ADGRG4: variants seen among roughly 807,000 people sequenced by gnomAD.
ADGRG4 encodes G protein-coupled receptor 112.
Under a neutral mutation model 126.2 loss-of-function variants are expected in ADGRG4, and 122 were observed. The observed-to-expected ratio is 0.97, with a 90% confidence interval of 0.83 to 1.12. The LOEUF is 1.12. Among genes scored for constraint, ADGRG4 ranks in the 50% most tolerant of loss-of-function variants. ADGRG4 has a pLI of 0.00. For missense variants in ADGRG4, 2,481 were observed against 2,251.8 expected (o/e 1.10, Z -2.06); for synonymous variants, 943 against 838.7 (o/e 1.12, Z -2.15).
chrX:136,357,106 A>T (rs2075098968), intron 9 of ADGRG4, among the ~76,000 whole-genome samples: 1 of 112,495 alleles, frequency 8.9e-6, no homozygotes, highest in Non-Finnish European at 1.9e-5. Context: ...TTTGATATAT[A>T]CACATTATAG....
Position 136,323,081 on chromosome X carries a change from T to C in ADGRG4, c.374T>C (p.Ile125Thr). ...ASFQWHTICL[I>T]WDGVKGKLEL... ...TTTCAATGGCATACAATATGCTTGA[T>C]ATGGGATGGTGTGAAGGGCAAATTA... is the stretch of plus-strand genomic sequence containing the variant. Residue 125 changes from isoleucine (I) to threonine (T), a missense_variant, in exon 5 of 26, where the codon ATA (isoleucine) becomes ACA (threonine). Transcript: ENST00000394143. 1.7e-6 allele frequency: 2 copies of C among 1,210,674 alleles called. No homozygotes were observed. Among genetic ancestry groups the C allele is most frequent in the South Asian group, 1.8e-5 (1 of 56,939 alleles).
chrX:136,349,198 C>G lies in ADGRG4; in HGVS notation c.5492C>G (p.Pro1831Arg). Reference sequence around the variant, plus strand: ...TGGACCCCATCCAGTGCAACTCTACCCTCTTTGACATCATTTGTTTATTCA... The same window carrying G: ...TGGACCCCATCCAGTGCAACTCTACGCTCTTTGACATCATTTGTTTATTCA... ...PPWTPSSATL[P>R]SLTSFVYSPH... The change falls in exon 6 of 26, where the codon CCC (proline) becomes CGC (arginine). Residue 1831 changes from proline to arginine, a missense_variant. Coordinates refer to ENST00000394143, the MANE Select transcript of ADGRG4 (RefSeq NM_153834.4). The G allele has an allele frequency of 8.3e-7, 1 of 1,205,474 alleles. No individual in the cohort carries two copies. Among genetic ancestry groups the G allele is most frequent in the African/African-American group, 1.7e-5 (1 of 57,614 alleles).
chrX:136,356,088 T>C (rs761720106), intron 8 of ADGRG4, 38 bp from the exon 9 acceptor site: 2 of 1,088,883 alleles, frequency 1.8e-6, no homozygotes, highest in Non-Finnish European at 2.5e-6. Flanking sequence ...TGGTACTATA[T>C]TTCATTTTCC....
chrX:136,307,073 T>C (rs901877550), intron 3 of ADGRG4, among the ~76,000 whole-genome samples: 1 of 112,132 alleles, frequency 8.9e-6, no homozygotes, highest in Admixed American at 9.5e-5. Flanking sequence ...GATTTATTTA[T>C]TGGGCACCAG....
intron 15 of ADGRG4, among the ~76,000 whole-genome samples, chrX:136,387,425 G>T (rs1447499949): frequency 8.9e-6 from 1 of 111,980 alleles, no homozygotes; most frequent in Non-Finnish European, 1.9e-5. Context: ...CAGGGCAAAT[G>T]ACCTAATTTG....
Position 136,322,811 on chromosome X carries a change from T to G in ADGRG4, c.104T>G (p.Phe35Cys). 8.4e-7 allele frequency: 1 copy of G among 1,191,107 alleles called. No individual in the cohort carries two copies. Among genetic ancestry groups the G allele is most frequent in the Non-Finnish European group, 1.1e-6 (1 of 884,840 alleles). The change falls in exon 5 of 26, where the codon TTT (phenylalanine) becomes TGT (cysteine). Residue 35 changes from phenylalanine to cysteine, a missense_variant. Transcript: ENST00000394143. ...TLSLKGKKLD[F>C]FGRGDTYVSL... ...TCACTAAAAGGAAAAAAGCTGGATT[T>G]TTTTGGAAGAGGTGACACATATGTA...
chrX:136,327,379 C>A (rs1218352943), intron 5 of ADGRG4, among the ~76,000 whole-genome samples: 1 of 108,883 alleles, frequency 9.2e-6, no homozygotes, highest in East Asian at 2.9e-4. Context: ...AACAGACCTG[C>A]AAGTTGTGCA....
At position 136,345,411 on chromosome X, in the gene ADGRG4, G is replaced by A. The variant is rs755144342; in HGVS notation, c.1705G>A (p.Glu569Lys). 8.3e-7 allele frequency: 1 copy of A among 1,207,218 alleles called. No individual in the cohort carries two copies. Among genetic ancestry groups the A allele is most frequent in the South Asian group, 1.8e-5 (1 of 56,711 alleles). The change falls in exon 6 of 26, where the codon GAG (glutamate) becomes AAG (lysine). Residue 569 changes from glutamate to lysine, a missense_variant. Transcript: ENST00000394143. Reference protein sequence around the residue: ...FLTSFSFTGTESVQTVIDAEA... With the variant: ...FLTSFSFTGTKSVQTVIDAEA... Reference sequence around the variant, plus strand: ...AACATCCTTTTCATTTACTGGGACTGAGAGTGTACAGACAGTTATTGATGC... The same window carrying A: ...AACATCCTTTTCATTTACTGGGACTAAGAGTGTACAGACAGTTATTGATGC...
At position 136,347,357 on chromosome X, in the gene ADGRG4, C is replaced by T. The variant is rs1355616953; in HGVS notation, c.3651C>T (p.His1217=). ...TSVVDETTPS[H]ISANKLTTSV... Reference sequence around the variant, plus strand: ...TTGTTGATGAGACCACACCCTCACACATCTCTGCCAATAAGTTGACTACTT... The same window carrying T: ...TTGTTGATGAGACCACACCCTCACATATCTCTGCCAATAAGTTGACTACTT... Residue 1217 remains histidine (H), a synonymous_variant, in exon 6 of 26, where the codon CAC becomes CAT. Transcript: ENST00000394143. The T allele has an allele frequency of 8.3e-7, 1 of 1,206,642 alleles. No individual in the cohort carries two copies. Among genetic ancestry groups the T allele is most frequent in the Non-Finnish European group, 1.1e-6 (1 of 892,555 alleles).
At chrX:136,334,128 CTTT>C (rs2074934491) in intron 5 of ADGRG4, among the ~76,000 whole-genome samples, 3 of 33,761 alleles carry the variant, frequency 8.9e-5, no homozygotes, top group African/African-American at 1.6e-4. Context: ...TTCTTTCTTT[CTTT>C]CTTTCTTTTT....
At chrX:136,411,358 C>G (rs756430950) in intron 23 of ADGRG4, among the ~76,000 whole-genome samples, 1 of 112,517 alleles carries the variant, frequency 8.9e-6, no homozygotes, top group South Asian at 3.7e-4. Context: ...CCAAGATAAT[C>G]TTAAGTCATA....
At chrX:136,361,713 C>T in intron 12 of ADGRG4, 126 bp downstream of exon 12, 1 of 418,994 alleles carries the variant, frequency 2.4e-6, no homozygotes, top group Non-Finnish European at 3.8e-6. Flanking sequence ...GTCTTTCTTT[C>T]TATTACCTTT....
chrX:136,328,594 C>T (rs1355068664), intron 5 of ADGRG4, among the ~76,000 whole-genome samples: 1 of 112,178 alleles, frequency 8.9e-6, no homozygotes, highest in East Asian at 2.8e-4. Flanking sequence ...CATAGCATCC[C>T]TATATCTGCG....
intron 21 of ADGRG4, 128 bp downstream of exon 21, chrX:136,400,244 A>G (rs1049677010): frequency 1.6e-5 from 9 of 555,243 alleles, no homozygotes; most frequent in East Asian, 3.4e-5. Flanking sequence ...TTGGGCATGC[A>G]TCTTTTTTTT....
At chrX:136,334,708 G>A (rs1188087107) in intron 5 of ADGRG4, among the ~76,000 whole-genome samples, 3 of 112,087 alleles carry the variant, frequency 2.7e-5, no homozygotes, top group Middle Eastern at 4.6e-3. Flanking sequence ...ATAGCATTGT[G>A]CTTTTGATTT....
intron 5 of ADGRG4, among the ~76,000 whole-genome samples, chrX:136,339,268 C>T (rs2148461168): frequency 9.0e-6 from 1 of 111,681 alleles, no homozygotes; most frequent in East Asian, 2.8e-4. Flanking sequence ...CTGGATCAGG[C>T]CACTTGCTAT....
At chrX:136,371,212 A>T (rs774029497) in intron 13 of ADGRG4, 116 bp from the exon 14 acceptor site, 1 of 429,070 alleles carries the variant, frequency 2.3e-6, no homozygotes, top group South Asian at 6.4e-5. Flanking sequence ...CTGTAAACAC[A>T]TTACCTTGGT....
Position 136,357,568 on chromosome X carries a change from AG to A in ADGRG4, c.6928-133del, listed in dbSNP as rs200698087. On this transcript the variant is annotated intron_variant, in intron 9 of 25. Transcript: ENST00000394143. ...AGGAGTAAATGCATTGATGTTTTTGAGGGTAGTTTGCAGACGGCAATGAGTT... is the reference window on the plus strand; with the variant it reads ...AGGAGTAAATGCATTGATGTTTTTGAGGTAGTTTGCAGACGGCAATGAGTT... 1.9e-3 allele frequency: 840 copies of A among 453,562 alleles called. 8 individuals carry two copies. The African/African-American group carries it at 0.019, about 10-fold the overall frequency. 37.4% of individuals were successfully genotyped at this position (453,562 alleles called of 1,213,427 possible). A position where few individuals can be genotyped will look rare whatever the true frequency, so the allele number is the denominator to read the frequency against.
At chrX:136,317,769 C>A (rs1046625203) in intron 4 of ADGRG4, among the ~76,000 whole-genome samples, 1 of 111,209 alleles carries the variant, frequency 9.0e-6, no homozygotes, top group African/African-American at 3.3e-5. Context: ...ATGCAAATGG[C>A]AACAAACATA....
Sources: allele counts gnomAD v4.1 joint callset (sites outside exome capture counted in the v4.1 genomes callset), GRCh38; gene constraint gnomAD v4.1.1; transcripts MANE v1.5; gene names NCBI Gene and HGNC (gene_info 2026-07-23, HGNC 2026-07-21).